RNFT2: variants seen among roughly 807,000 people sequenced by gnomAD.
The protein encoded by RNFT2 is ring finger protein, transmembrane 2, also known as E3 ubiquitin-protein ligase RNFT2.
A neutral mutation model predicts 53.0 loss-of-function variants in RNFT2; 36 were observed. That is an observed-to-expected ratio of 0.68 (90% CI 0.52 to 0.90). The LOEUF is 0.90. RNFT2 is among the 40% of genes least tolerant of loss of function. The pLI, the probability that RNFT2 is intolerant of heterozygous loss-of-function variation, is 0.00. For synonymous variants in RNFT2, 260 were observed against 253.2 expected (o/e 1.03, Z -0.26); for missense variants, 514 against 585.6 (o/e 0.88, Z 1.26).
intron 5 of RNFT2, among the ~76,000 whole-genome samples, chr12:116,756,314 T>TTGTTTTC: frequency 6.6e-6 from 1 of 152,094 alleles, no homozygotes; most frequent in East Asian, 1.9e-4. Context: ...AGGTTTTTTT[T>TTGTTTTC]TGTTTTTTGT....
intron 7 of RNFT2, among the ~76,000 whole-genome samples, chr12:116,797,504 G>T (rs1281407303): frequency 6.6e-6 from 1 of 151,252 alleles, no homozygotes; most frequent in African/African-American, 2.4e-5. Context: ...GGTTGCAGCT[G>T]AGATGATGCC....
chr12:116,794,717 G>T (rs1428728902), intron 7 of RNFT2, among the ~76,000 whole-genome samples: 3 of 147,376 alleles, frequency 2.0e-5, no homozygotes, highest in Non-Finnish European at 4.4e-5. Flanking sequence ...AAGAAAGAAA[G>T]AAATGAATTA....
intron 7 of RNFT2, among the ~76,000 whole-genome samples, chr12:116,793,071 G>C (rs55935763): frequency 0.013 from 2,044 of 152,092 alleles, 26 homozygotes; most frequent in African/African-American, 0.045. Flanking sequence ...CCTCATACCT[G>C]GGCCTTCTAG....
chr12:116,837,030 A>G (rs1178394741), intron 10 of RNFT2, among the ~76,000 whole-genome samples: 1 of 152,240 alleles, frequency 6.6e-6, no homozygotes, highest in Non-Finnish European at 1.5e-5. Context: ...CAATTATTCA[A>G]CCATAGAAGT....
Position 116,852,141 on chromosome 12 carries a change from C to G in RNFT2, c.*2693C>G. On this transcript the variant is annotated 3_prime_UTR_variant, in exon 11 of 11. Coordinates refer to ENST00000257575, the MANE Select transcript of RNFT2 (RefSeq NM_001382266.1). ...CAGAAGCCACCAGAATCTTGCCTGC[C>G]CTATTCCTCCTCCCAAGTCTGTTCT... 1 of 1,031,786 alleles carries G rather than the reference C, an allele frequency of 9.7e-7. No homozygotes were observed. Among genetic ancestry groups the G allele is most frequent in the Non-Finnish European group, 1.3e-6 (1 of 746,898 alleles). The allele number at this position is 1,031,786 out of a possible 1,614,324, so 63.9% of individuals were successfully genotyped here. A position where few individuals can be genotyped will look rare whatever the true frequency, so the allele number is the denominator to read the frequency against.
intron 7 of RNFT2, among the ~76,000 whole-genome samples, chr12:116,811,848 G>C (rs1875397570): frequency 1.3e-5 from 2 of 152,162 alleles, no homozygotes; most frequent in Non-Finnish European, 2.9e-5. Context: ...ACCCTGAATG[G>C]AAGGAAGGAA....
intron 10 of RNFT2, among the ~76,000 whole-genome samples, chr12:116,848,931 G>C (rs1250857127): frequency 6.6e-6 from 1 of 152,054 alleles, no homozygotes; most frequent in Non-Finnish European, 1.5e-5. Flanking sequence ...CGATTCTCTT[G>C]CCTCAGCCTC....
chr12:116,808,679 C>CA (rs1349934960), intron 7 of RNFT2, among the ~76,000 whole-genome samples: 6 of 152,332 alleles, frequency 3.9e-5, no homozygotes, highest in African/African-American at 1.4e-4. Flanking sequence ...AGGCTTGCCA[C>CA]ATGGCCCCCG....
intron 10 of RNFT2, among the ~76,000 whole-genome samples, chr12:116,847,532 C>CTTT (rs56687861): frequency 2.7e-5 from 4 of 145,554 alleles, no homozygotes; most frequent in African/African-American, 7.6e-5. Flanking sequence ...CTCTCTCTCT[C>CTTT]TTTTTTTTTT....
chr12:116,852,927 A>T lies in RNFT2; in HGVS notation c.*3479A>T. The T allele has an allele frequency of 3.4e-6, 2 of 596,918 alleles. No homozygotes were observed. The highest frequency in any genetic ancestry group is 5.9e-6 in the Non-Finnish European group (2 of 337,614). The allele number at this position is 596,918 out of a possible 1,614,324, so 37.0% of individuals were successfully genotyped here. A position where few individuals can be genotyped will look rare whatever the true frequency, so the allele number is the denominator to read the frequency against. The stretch of plus-strand genomic sequence containing the variant: ...CCATGCCACCAAAACAATAAAACAA[A>T]ATTCTCTAACACTGCAAAGAGTGAG... On this transcript the variant is annotated 3_prime_UTR_variant, in exon 11 of 11. Transcript: ENST00000257575.
At chr12:116,826,565 G>GTT (rs1876348885) in intron 7 of RNFT2, among the ~76,000 whole-genome samples, 1 of 152,176 alleles carries the variant, frequency 6.6e-6, no homozygotes, top group African/African-American at 2.4e-5. Context: ...TTCCTTGGTG[G>GTT]TTTGATCTCC....
At chr12:116,787,791 G>C (rs950144438) in intron 7 of RNFT2, among the ~76,000 whole-genome samples, 1 of 151,988 alleles carries the variant, frequency 6.6e-6, no homozygotes, top group Admixed American at 6.6e-5. Flanking sequence ...AGGCAGGTGA[G>C]GCTTTGTGGA....
intron 7 of RNFT2, among the ~76,000 whole-genome samples, chr12:116,817,043 C>T (rs747898035): frequency 5.3e-5 from 8 of 152,086 alleles, no homozygotes; most frequent in Non-Finnish European, 1.0e-4. Context: ...GATGGAGTCT[C>T]GCTCTGTCGC....
intron 7 of RNFT2, among the ~76,000 whole-genome samples, chr12:116,799,936 G>T (rs955843742): frequency 2.0e-5 from 3 of 152,186 alleles, no homozygotes; most frequent in African/African-American, 7.2e-5. Flanking sequence ...GGTCACAGGG[G>T]TGAATCTCAT....
In RNFT2 at chr12:116,835,978, C is replaced by T. The variant is rs140072696; in HGVS notation, c.1051C>T (p.Arg351Cys). 2.3e-5 allele frequency: 37 copies of T among 1,613,862 alleles called. No homozygotes were observed. Among genetic ancestry groups the T allele is most frequent in the African/African-American group, 1.6e-4 (12 of 74,906 alleles). ...SLCKSFDICG[R>C]VGGVRKALKL... ...CTTTCAGTCCTTCGACATCTGTGGA[C>T]GTGTGGGCGGAGTTAGGAAAGCCCT... The change falls in exon 9 of 11, where the codon CGT becomes TGT. Residue 351 changes from arginine to cysteine, a missense_variant. This residue lies in a region of RNFT2 where 273 missense variants were observed against 334.4 expected (regional missense o/e 0.82). Transcript: ENST00000257575.
rs1877812662 is a variant in RNFT2 at position 116,849,664 on chromosome 12, A to C, written c.*216A>C. 1 of 1,273,772 alleles carries C rather than the reference A, an allele frequency of 7.9e-7. No homozygotes were observed. Among genetic ancestry groups the C allele is most frequent in the African/African-American group, 1.5e-5 (1 of 66,648 alleles). The allele number at this position is 1,273,772 out of a possible 1,614,324, so 78.9% of individuals were successfully genotyped here. On this transcript the variant is annotated 3_prime_UTR_variant, in exon 11 of 11. Coordinates refer to ENST00000257575, the MANE Select transcript of RNFT2 (RefSeq NM_001382266.1). The stretch of plus-strand genomic sequence containing the variant: ...AGTGCGTGCCTCCTTCCCCTGCAAA[A>C]GGGGACGTCTTCCTAACTCAGACTT...
At chr12:116,785,319 G>A (rs1199238309) in intron 7 of RNFT2, among the ~76,000 whole-genome samples, 3 of 137,934 alleles carry the variant, frequency 2.2e-5, no homozygotes, top group Non-Finnish European at 4.5e-5. Context: ...TTGAGACAAG[G>A]TCTTGCTCTG....
chr12:116,841,940 TATATATAAATATATATATAGAGAGAGAG>T, intron 10 of RNFT2, among the ~76,000 whole-genome samples: 1 of 26,896 alleles, frequency 3.7e-5, no homozygotes, highest in Non-Finnish European at 5.4e-5. Flanking sequence ...TATATAAATA[TATATATAAATATATATATAGAGAGAGAG>T]AGAGAGAGAG....
intron 5 of RNFT2, among the ~76,000 whole-genome samples, chr12:116,762,321 A>C (rs1409034618): frequency 1.3e-5 from 2 of 151,470 alleles, no homozygotes; most frequent in African/African-American, 4.8e-5. Context: ...TGGAGGTTGA[A>C]GTGAGCCAAG....
Sources: allele counts gnomAD v4.1 joint callset (sites outside exome capture counted in the v4.1 genomes callset), GRCh38; gene constraint gnomAD v4.1.1; regional missense constraint gnomAD v4.1.1; transcripts MANE v1.5; gene names NCBI Gene and HGNC (gene_info 2026-07-23, HGNC 2026-07-21).